The following FAM184B variants were observed in gnomAD, a reference collection of about 807,000 sequenced individuals.
FAM184B encodes the protein protein FAM184B.
Under a neutral mutation model 135.9 loss-of-function variants are expected in FAM184B, and 111 were observed. That is an observed-to-expected ratio of 0.82 (90% CI 0.70 to 0.96). The LOEUF is 0.96. Among genes scored for constraint, FAM184B ranks in the 40% least tolerant of loss-of-function variants. FAM184B has a pLI of 0.00. For missense variants in FAM184B, 1,375 were observed against 1,323.9 expected (o/e 1.04, Z -0.60); for synonymous variants, 552 against 524.8 (o/e 1.05, Z -0.71).
rs1421615704 is a variant in FAM184B, at chr4:17,647,272, A to C, written c.2346+365T>G. ...CATCCCTTTTTTTTTTTTTTTTTTG[A>C]GACAGGGTCTTGCTATGTTGCCCAG... On this transcript the variant is annotated intron_variant, in intron 12 of 17. Coordinates refer to ENST00000265018, the MANE Select transcript of FAM184B (RefSeq NM_015688.2). Among the ~76,000 whole-genome samples the C allele has an allele frequency of 5.4e-5, 6 of 111,808 alleles. No homozygotes were observed. The South Asian group carries it at 1.7e-3, about 32-fold the overall frequency. 73.4% of individuals were successfully genotyped at this position (111,808 alleles called of 152,430 possible).
chr4:17,681,260 A>G (rs961302296), intron 7 of FAM184B, among the ~76,000 whole-genome samples: 4 of 152,182 alleles, frequency 2.6e-5, no homozygotes, highest in East Asian at 1.9e-4. Flanking sequence ...GTGAAGTCCT[A>G]TGGGTTTGCC....
chr4:17,642,475 A>G (rs1339557772), intron 12 of FAM184B, among the ~76,000 whole-genome samples: 1 of 152,172 alleles, frequency 6.6e-6, no homozygotes, highest in Non-Finnish European at 1.5e-5. Context: ...TGGGTCTTGC[A>G]TCCAAATGAA....
chr4:17,664,521 C>A, intron 8 of FAM184B, 41 bp downstream of exon 8: 1 of 1,416,330 alleles, frequency 7.1e-7, no homozygotes, highest in South Asian at 1.3e-5. Context: ...TCTGAGTCCT[C>A]ATTCAATGGA....
chr4:17,760,575 C>G (rs1335646579), intron 1 of FAM184B, among the ~76,000 whole-genome samples: 2 of 152,142 alleles, frequency 1.3e-5, no homozygotes, highest in Admixed American at 6.5e-5. Context: ...GCCCTATTCT[C>G]TCTCTCACCA....
At chr4:17,657,133 T>C (rs1193389077) in intron 10 of FAM184B, among the ~76,000 whole-genome samples, 2 of 152,260 alleles carry the variant, frequency 1.3e-5, no homozygotes, top group Non-Finnish European at 2.9e-5. Flanking sequence ...ATGCAGCTTT[T>C]TGTTTTTCCT....
At chr4:17,770,093 A>G (rs566179712) in intron 1 of FAM184B, among the ~76,000 whole-genome samples, 1 of 152,346 alleles carries the variant, frequency 6.6e-6, no homozygotes, top group Non-Finnish European at 1.5e-5. Flanking sequence ...AATGAGACTG[A>G]GAGGCGGACA....
Position 17,781,129 on chromosome 4 carries a change from A to G in FAM184B, c.141+30T>C, listed in dbSNP as rs901742601. The G allele has an allele frequency of 2.0e-5, 29 of 1,477,480 alleles. No homozygotes were observed. The highest frequency in any genetic ancestry group is 2.4e-5 in the Non-Finnish European group (27 of 1,109,644). The allele number at this position is 1,477,480 out of a possible 1,614,324, so 91.5% of individuals were successfully genotyped here. A position where few individuals can be genotyped will look rare whatever the true frequency, so the allele number is the denominator to read the frequency against. Reference sequence around the variant, plus strand: ...CCCGGCTCGGGCGCCCCGGGCGTGCAGCTCGCTGGCCCGCTGCGCCCCACC... The same window carrying G: ...CCCGGCTCGGGCGCCCCGGGCGTGCGGCTCGCTGGCCCGCTGCGCCCCACC... On this transcript the variant is annotated intron_variant, in intron 1 of 17. Transcript: ENST00000265018. The surrounding 1 kb of genome is among the most constrained non-coding windows in gnomAD (Gnocchi z 6.5).
rs1577269477 is a variant in FAM184B, at chr4:17,707,781, G to C, written c.898C>G (p.Leu300Val). Residue 300 changes from leucine to valine, a missense_variant, in exon 3 of 18, where the codon CTG becomes GTG. Leu to Val is a conservative substitution (Grantham distance 32). Transcript: ENST00000265018. ...CGAGCCTCCTTAAGCTGCACATCCAGGTCCTAAACAGACAGGAAGGGTCCC... is the reference window on the plus strand; with the variant it reads ...CGAGCCTCCTTAAGCTGCACATCCACGTCCTAAACAGACAGGAAGGGTCCC... ...AQKLKERIQD[L>V]DVQLKEARQE... 1 of 1,551,938 alleles carries C rather than the reference G, an allele frequency of 6.4e-7. No homozygotes were observed.
At chr4:17,752,458 A>C (rs1048594376) in intron 1 of FAM184B, among the ~76,000 whole-genome samples, 46 of 152,256 alleles carry the variant, frequency 3.0e-4, no homozygotes, top group African/African-American at 1.1e-3. Context: ...ACAATGAGTA[A>C]CTATATAGAT....
At chr4:17,649,326 T>C (rs886458512) in intron 11 of FAM184B, among the ~76,000 whole-genome samples, 2 of 152,198 alleles carry the variant, frequency 1.3e-5, no homozygotes, top group African/African-American at 4.8e-5. Flanking sequence ...GGCTCATGCC[T>C]GAAATCCCAG....
intron 1 of FAM184B, among the ~76,000 whole-genome samples, chr4:17,770,746 G>A (rs371155446): frequency 1.4e-4 from 21 of 152,174 alleles, no homozygotes; most frequent in African/African-American, 4.6e-4. Context: ...GATTACAGGC[G>A]TGAGCCACCG....
chr4:17,771,714 C>T (rs190162507), intron 1 of FAM184B, among the ~76,000 whole-genome samples: 4 of 152,190 alleles, frequency 2.6e-5, no homozygotes, highest in African/African-American at 7.2e-5. Flanking sequence ...GGCATCACTC[C>T]TCCTGCCCTA....
Position 17,709,030 on chromosome 4 carries a change from C to T in FAM184B, c.756G>A (p.Ser252=), listed in dbSNP as rs934392640. 4.5e-6 allele frequency: 7 copies of T among 1,550,056 alleles called. No homozygotes were observed. The highest frequency in any genetic ancestry group is 6.1e-6 in the Non-Finnish European group (7 of 1,146,944). ...QALWQWQEKE[S]DLRKNFQVQE... ...GGACCTGGAAGTTCTTGCGGAGGTC[C>T]GACTCCTTCTCCTGCCACTGCCACA... Residue 252 remains serine, a synonymous_variant, in exon 2 of 18, where the codon TCG becomes TCA. Transcript: ENST00000265018.
At position 17,635,002 on chromosome 4, in the gene FAM184B, A is replaced by C; in HGVS notation, c.2889+7T>G. 6.5e-7 allele frequency: 1 copy of C among 1,547,670 alleles called. No homozygotes were observed. Among genetic ancestry groups the C allele is most frequent in the Non-Finnish European group, 8.7e-7 (1 of 1,143,196 alleles). On this transcript the variant is annotated splice_region_variant and intron_variant, in intron 16 of 17. Coordinates refer to ENST00000265018, the MANE Select transcript of FAM184B (RefSeq NM_015688.2). ...ATAATGCATTAAAACCATTAGAACC[A>C]ATTTACCTTCATGGAAGGGGTCAAA...
intron 1 of FAM184B, among the ~76,000 whole-genome samples, chr4:17,723,050 A>G (rs1018432667): frequency 6.6e-5 from 10 of 152,196 alleles, no homozygotes; most frequent in African/African-American, 2.2e-4. Flanking sequence ...TCCTGAAAGC[A>G]GCTTTTGTGT....
chr4:17,641,691 G>A (rs1428371475), intron 13 of FAM184B, among the ~76,000 whole-genome samples: 2 of 89,220 alleles, frequency 2.2e-5, no homozygotes, highest in Admixed American at 3.2e-4. Flanking sequence ...GTGGAGACAG[G>A]GTTTCATCAT....
intron 17 of FAM184B, chr4:17,633,418 G>A: frequency 3.2e-6 from 1 of 310,384 alleles, no homozygotes; most frequent in Non-Finnish European, 5.9e-6. Flanking sequence ...AAGGTATATG[G>A]AGACCTGGAG....
intron 1 of FAM184B, among the ~76,000 whole-genome samples, chr4:17,758,742 T>A (rs1702925003): frequency 6.6e-6 from 1 of 152,222 alleles, no homozygotes; most frequent in African/African-American, 2.4e-5. Flanking sequence ...TGCACACTGC[T>A]CAGGGATCAC....
chr4:17,635,098 G>A lies in FAM184B; in HGVS notation c.2800C>T (p.His934Tyr), dbSNP rs1715086162. The change falls in exon 16 of 18, where the codon CAC becomes TAC. Residue 934 changes from histidine (H) to tyrosine (Y), a missense_variant. Coordinates refer to ENST00000265018, the MANE Select transcript of FAM184B (RefSeq NM_015688.2). ...IKQLTEERRF[H>Y]YAAFPSAMSH... The stretch of plus-strand genomic sequence containing the variant: ...ATGGCACTGGGGAATGCTGCGTAGT[G>A]AAATCTTCTCTCTTCCTAGAAAACC... 6.4e-7 allele frequency: 1 copy of A among 1,551,520 alleles called. No homozygotes were observed. The highest frequency in any genetic ancestry group is 8.7e-7 in the Non-Finnish European group (1 of 1,146,816).
Sources: allele counts gnomAD v4.1 joint callset (sites outside exome capture counted in the v4.1 genomes callset), GRCh38; gene constraint gnomAD v4.1.1; non-coding constraint Gnocchi (gnomAD v3.1); transcripts MANE v1.5; gene names NCBI Gene and HGNC (gene_info 2026-07-23, HGNC 2026-07-21).